The following WRN variants were observed in gnomAD, a reference collection of about 807,000 sequenced individuals.
WRN encodes bifunctional 3'-5' exonuclease/ATP-dependent helicase WRN.
A neutral mutation model predicts 180.7 loss-of-function variants in WRN; 149 were observed. The ratio of observed to expected loss-of-function variants is 0.82; its 90% CI spans 0.72 to 0.94. WRN has a LOEUF of 0.94. WRN is among the 40% of genes least tolerant of loss of function. WRN has a pLI of 0.00. For synonymous variants in WRN, 548 were observed against 568.9 expected (o/e 0.96, Z 0.52); for missense variants, 1,661 against 1,700.1 (o/e 0.98, Z 0.40).
At chr8:31,097,748 C>T (rs1320555030) in intron 17 of WRN, among the ~76,000 whole-genome samples, 1 of 151,738 alleles carries the variant, frequency 6.6e-6, no homozygotes, top group African/African-American at 2.4e-5. Flanking sequence ...TACTGCACTC[C>T]ATCCTGGGCA....
intron 23 of WRN, among the ~76,000 whole-genome samples, chr8:31,125,276 T>C (rs991510171): frequency 6.6e-6 from 1 of 151,314 alleles, no homozygotes; most frequent in Non-Finnish European, 1.5e-5. Context: ...AGAATTGGTT[T>C]AAAAACATGA....
rs1434745196 is a variant in WRN, at chr8:31,088,938, T to C, written c.1625T>C (p.Met542Thr). ...GAAGAGCAAGTTACTTGCCTCAAGA[T>C]GTACTTTGGCCATTCCAGTTTTAAA... Reference protein sequence around the residue: ...PNEEQVTCLKMYFGHSSFKPV... With the variant: ...PNEEQVTCLKTYFGHSSFKPV... The change falls in exon 13 of 35, where the codon ATG (methionine) becomes ACG (threonine). Residue 542 changes from methionine (M) to threonine (T), a missense_variant. By Grantham distance (81) the Met-to-Thr change is moderately conservative. This residue lies in a region of WRN where 1,141 missense variants were observed against 1,149.4 expected (regional missense o/e 0.99). Coordinates refer to ENST00000298139, the MANE Select transcript of WRN (RefSeq NM_000553.6). The C allele has an allele frequency of 4.3e-6, 7 of 1,611,560 alleles. No individual in the cohort carries two copies. In the South Asian group the frequency reaches 7.7e-5, roughly 18 times the overall value.
chr8:31,086,631 A>G (rs907612145), intron 11 of WRN, among the ~76,000 whole-genome samples: 4 of 152,012 alleles, frequency 2.6e-5, no homozygotes, highest in Admixed American at 6.6e-5. Flanking sequence ...GTAGGTTTGT[A>G]TCCCAGCTTT....
intron 18 of WRN, 85 bp from the exon 19 acceptor site, chr8:31,111,530 A>G: frequency 1.3e-6 from 2 of 1,512,270 alleles, no homozygotes; most frequent in Non-Finnish European, 1.8e-6. Context: ...CTGTTGTCCT[A>G]CCAGTCTCTT....
At chr8:31,051,451 C>T (rs1042488526) in intron 1 of WRN, among the ~76,000 whole-genome samples, 1 of 152,092 alleles carries the variant, frequency 6.6e-6, no homozygotes, top group Non-Finnish European at 1.5e-5. Context: ...TTTCTAAATT[C>T]GTTCTAACCA....
intron 33 of WRN, among the ~76,000 whole-genome samples, chr8:31,157,926 C>T (rs1803454237): frequency 6.6e-6 from 1 of 152,026 alleles, no homozygotes; most frequent in Non-Finnish European, 1.5e-5. Flanking sequence ...ACAGGGTTTT[C>T]CATGTTGGCT....
At chr8:31,157,612 G>A (rs1803439746) in intron 33 of WRN, 82 bp downstream of exon 33, 3 of 1,540,698 alleles carry the variant, frequency 1.9e-6, no homozygotes, top group Non-Finnish European at 1.8e-6. Context: ...ACTGTTAACA[G>A]CATTAATCCT....
In WRN at chr8:31,116,397, T is replaced by C. The variant is rs1346693264; in HGVS notation, c.2317T>C (p.Ser773Pro). 6.2e-7 allele frequency: 1 copy of C among 1,613,896 alleles called. No individual in the cohort carries two copies. The highest frequency in any genetic ancestry group is 8.5e-7 in the Non-Finnish European group (1 of 1,179,952). Residue 773 changes from serine (S) to proline (P), a missense_variant, in exon 20 of 35, where the codon TCT (serine) becomes CCT (proline). Ser to Pro is a moderately conservative substitution (Grantham distance 74). Transcript: ENST00000298139. ...AGGTCCAACAATCATCTACTGTCCT[T>C]CTAGAAAAATGACACAACAAGTTAC... ...FEGPTIIYCP[S>P]RKMTQQVTGE...
chr8:31,147,235 A>G, intron 29 of WRN, 107 bp downstream of exon 29: 1 of 1,478,652 alleles, frequency 6.8e-7, no homozygotes, highest in Non-Finnish European at 9.4e-7. Flanking sequence ...TTCTTAAGCT[A>G]AGAGTCTGAG....
rs142437530 is a variant in WRN, at chr8:31,168,784, A to G, written c.4191+1554A>G. Among the ~76,000 whole-genome samples, 948 of 152,270 alleles carry G rather than the reference A, an allele frequency of 6.2e-3. 7 individuals are homozygous for G. Among genetic ancestry groups the G allele is most frequent in the Non-Finnish European group, 0.01 (694 of 68,002 alleles). On this transcript the variant is annotated intron_variant, in intron 34 of 34. Coordinates refer to ENST00000298139, the MANE Select transcript of WRN (RefSeq NM_000553.6). Reference sequence around the variant, plus strand: ...TGACCTGATTTATATCCCTTAGTCTATTTCATTTTATAATTATGACAAAGG... The same window carrying G: ...TGACCTGATTTATATCCCTTAGTCTGTTTCATTTTATAATTATGACAAAGG...
chr8:31,081,475 C>A (rs1006364644), intron 9 of WRN, among the ~76,000 whole-genome samples, 179 bp downstream of exon 9: 16 of 152,200 alleles, frequency 1.1e-4, no homozygotes, highest in Non-Finnish European at 1.9e-4. Context: ...ACAAATGTGC[C>A]TGTCTTTCAA....
intron 3 of WRN, 130 bp downstream of exon 3, chr8:31,059,395 A>C (rs775488767): frequency 7.1e-6 from 5 of 706,470 alleles, no homozygotes; most frequent in Non-Finnish European, 1.2e-5. Flanking sequence ...CTATGTATAC[A>C]CTATCACCAA....
At chr8:31,115,899 C>T (rs574761674) in intron 19 of WRN, among the ~76,000 whole-genome samples, 1 of 152,146 alleles carries the variant, frequency 6.6e-6, no homozygotes, top group East Asian at 1.9e-4. Context: ...TAAGAAAGCT[C>T]TTGCTTTAGT....
At chr8:31,171,039 G>A (rs1804082108) in intron 34 of WRN, 2 of 152,246 alleles carry the variant, frequency 1.3e-5, no homozygotes, top group Non-Finnish European at 2.9e-5. Context: ...ATTCAGTGAT[G>A]TTATGTACTA....
intron 21 of WRN, among the ~76,000 whole-genome samples, chr8:31,121,622 C>A (rs1239436024): frequency 6.6e-6 from 1 of 151,834 alleles, no homozygotes; most frequent in African/African-American, 2.4e-5. Context: ...GGAAATTGCA[C>A]TGAGTAGTAA....
intron 19 of WRN, among the ~76,000 whole-genome samples, chr8:31,115,046 C>T (rs552431867): frequency 6.6e-6 from 1 of 151,990 alleles, no homozygotes; most frequent in African/African-American, 2.4e-5. Context: ...CAGGTGCATG[C>T]CACCATGCCC....
intron 23 of WRN, among the ~76,000 whole-genome samples, chr8:31,130,754 A>C (rs567121607): frequency 6.7e-5 from 8 of 119,706 alleles, no homozygotes; most frequent in Non-Finnish European, 1.1e-4. Context: ...AGTAACAGCT[A>C]CATAAAAACA....
chr8:31,147,793 T>C (rs569628876), intron 30 of WRN, among the ~76,000 whole-genome samples: 2 of 152,282 alleles, frequency 1.3e-5, no homozygotes, highest in African/African-American at 4.8e-5. Context: ...CCATCACATT[T>C]GTAGTCAGAG....
At chr8:31,067,763 G>A (rs1201052232) in intron 6 of WRN, among the ~76,000 whole-genome samples, 6 of 152,014 alleles carry the variant, frequency 3.9e-5, no homozygotes, top group Non-Finnish European at 8.8e-5. Context: ...CAGTGAATTT[G>A]TTTTCTCCTA....
Sources: gnomAD v4.1 joint callset for allele counts (sites outside exome capture counted in the v4.1 genomes callset) on GRCh38, gnomAD v4.1.1 for gene constraint, gnomAD v4.1.1 regional missense constraint, MANE v1.5 for transcripts, NCBI Gene and HGNC (gene_info 2026-07-23, HGNC 2026-07-21) for gene names.